Variants in MUC7 observed in about 807,000 individuals in gnomAD.
MUC7 encodes the protein mucin 7, secreted.
A neutral mutation model predicts 2.5 loss-of-function variants in MUC7; 2 were observed. The ratio of observed to expected loss-of-function variants is 0.81; its 90% CI spans 0.33 to 2.55. The LOEUF is 2.55. MUC7 is among the 30% of genes most tolerant of loss of function. MUC7 has a pLI of 0.11. For missense variants in MUC7, 408 were observed against 455.6 expected (o/e 0.90, Z 0.95); for synonymous variants, 133 against 173.4 (o/e 0.77, Z 1.83).
chr4:70,463,657 A>G (rs984117485), intron 1 of MUC7, among the ~76,000 whole-genome samples: 6 of 152,202 alleles, frequency 3.9e-5, no homozygotes, highest in Non-Finnish European at 8.8e-5. Flanking sequence ...TGTAGTCCAC[A>G]TGTCAGTCAT....
intron 1 of MUC7, among the ~76,000 whole-genome samples, chr4:70,444,479 T>A (rs1362660248): frequency 6.6e-6 from 1 of 152,154 alleles, no homozygotes; most frequent in Non-Finnish European, 1.5e-5. Context: ...TACCCAGTCC[T>A]CTACTTCAGC....
intron 1 of MUC7, among the ~76,000 whole-genome samples, chr4:70,445,964 TAGAC>T (rs1577901329): frequency 6.6e-6 from 1 of 152,150 alleles, no homozygotes; most frequent in African/African-American, 2.4e-5. Context: ...ATGAATCAAT[TAGAC>T]AGGCATCATC....
At chr4:70,464,509 C>T (rs1038190618) in intron 1 of MUC7, among the ~76,000 whole-genome samples, 3 of 152,120 alleles carry the variant, frequency 2.0e-5, no homozygotes, top group African/African-American at 7.2e-5. Context: ...TTGAAATTCT[C>T]GCTGCGAGCA....
intron 1 of MUC7, among the ~76,000 whole-genome samples, chr4:70,431,465 T>C (rs1470915878): frequency 6.6e-6 from 1 of 152,092 alleles, no homozygotes; most frequent in Admixed American, 6.6e-5. Context: ...CATATGATTT[T>C]CATTCCTACT....
chr4:70,439,750 T>G (rs983317481), intron 1 of MUC7, among the ~76,000 whole-genome samples: 4 of 152,098 alleles, frequency 2.6e-5, no homozygotes, highest in Admixed American at 6.6e-5. Context: ...AAGTGAAAAT[T>G]TAAAAGCACT....
chr4:70,473,922 C>T, intron 1 of MUC7, 85 bp from the exon 2 acceptor site: 3 of 993,806 alleles, frequency 3.0e-6, no homozygotes, highest in Non-Finnish European at 4.6e-6. Context: ...CCTGTACTTT[C>T]TAATAAAAAT....
chr4:70,474,318 T>G (rs1040359212), intron 2 of MUC7, among the ~76,000 whole-genome samples: 1 of 152,022 alleles, frequency 6.6e-6, no homozygotes, highest in Non-Finnish European at 1.5e-5. Context: ...AAGACTAGCC[T>G]GAGTAACATA....
Position 70,482,162 on chromosome 4 carries a change from A to G in MUC7, c.*284A>G. ...AAGAAAGTCCTTAGATAAAGAGAGA[A>G]TATTGTATGGGCCATCAACCATTTA... On this transcript the variant is annotated 3_prime_UTR_variant, in exon 3 of 3. Coordinates refer to ENST00000304887, the MANE Select transcript of MUC7 (RefSeq NM_152291.3). 2 of 371,902 alleles carry G rather than the reference A, an allele frequency of 5.4e-6. No individual in the cohort carries two copies. Among genetic ancestry groups the G allele is most frequent in the Non-Finnish European group, 9.7e-6 (2 of 206,134 alleles). The allele number at this position is 371,902 out of a possible 1,614,324, so 23.0% of individuals were successfully genotyped here. A position where few individuals can be genotyped will look rare whatever the true frequency, so the allele number is the denominator to read the frequency against.
intron 1 of MUC7, among the ~76,000 whole-genome samples, chr4:70,433,907 C>G (rs1325367648): frequency 6.6e-6 from 1 of 152,138 alleles, no homozygotes; most frequent in Non-Finnish European, 1.5e-5. Flanking sequence ...CCATCAATAC[C>G]TAGTTTACTG....
In MUC7 at chr4:70,481,986, G is replaced by T; in HGVS notation, c.*108G>T. On this transcript the variant is annotated 3_prime_UTR_variant, in exon 3 of 3. Coordinates refer to ENST00000304887, the MANE Select transcript of MUC7 (RefSeq NM_152291.3). ...TCCCAACATGAAATTATATTACTCA[G>T]ATTTAAAGCACTATCATTAATCTTT... 7.8e-7 allele frequency: 1 copy of T among 1,280,428 alleles called. No individual in the cohort carries two copies. The highest frequency in any genetic ancestry group is 1.1e-6 in the Non-Finnish European group (1 of 935,962). The allele number at this position is 1,280,428 out of a possible 1,614,324, so 79.3% of individuals were successfully genotyped here.
At chr4:70,451,863 G>A (rs1299635780) in intron 1 of MUC7, among the ~76,000 whole-genome samples, 12 of 152,196 alleles carry the variant, frequency 7.9e-5, no homozygotes, top group South Asian at 2.1e-4. Flanking sequence ...ATGAGGTACC[G>A]AAATCTCCAG....
intron 2 of MUC7, among the ~76,000 whole-genome samples, chr4:70,479,421 C>A (rs1735104490): frequency 6.6e-6 from 1 of 152,162 alleles, no homozygotes; most frequent in Admixed American, 6.5e-5. Flanking sequence ...GTTGTCACTT[C>A]ATCTGCACTA....
chr4:70,433,138 T>C (rs1733725843), intron 1 of MUC7, among the ~76,000 whole-genome samples: 1 of 152,236 alleles, frequency 6.6e-6, no homozygotes, highest in Non-Finnish European at 1.5e-5. Flanking sequence ...TGTAGCCTTG[T>C]AGTAAAGTTT....
chr4:70,473,867 A>G (rs1349996880), intron 1 of MUC7, 140 bp from the exon 2 acceptor site: 2 of 590,560 alleles, frequency 3.4e-6, no homozygotes, highest in African/African-American at 3.7e-5. Flanking sequence ...CCCCTATGGA[A>G]TGAAAATGTA....
intron 1 of MUC7, among the ~76,000 whole-genome samples, chr4:70,465,686 C>T (rs1334848392): frequency 6.6e-6 from 1 of 151,820 alleles, no homozygotes; most frequent in African/African-American, 2.4e-5. Flanking sequence ...AGCATGAAGA[C>T]AAGATTAGAG....
chr4:70,434,825 C>T (rs1024993490), intron 1 of MUC7, among the ~76,000 whole-genome samples: 1 of 152,118 alleles, frequency 6.6e-6, no homozygotes, highest in Non-Finnish European at 1.5e-5. Flanking sequence ...ATCTTTCCTG[C>T]TTTCTCTTGT....
At position 70,481,600 on chromosome 4, in the gene MUC7, A is replaced by C; in HGVS notation, c.856A>C (p.Thr286Pro). 1.2e-6 allele frequency: 2 copies of C among 1,611,756 alleles called. No individual in the cohort carries two copies. The highest frequency in any genetic ancestry group is 2.2e-5 in the South Asian group (2 of 90,994). Residue 286 changes from threonine (T) to proline (P), a missense_variant, in exon 3 of 3, where the codon ACA (threonine) becomes CCA (proline). Coordinates refer to ENST00000304887, the MANE Select transcript of MUC7 (RefSeq NM_152291.3). ...APPETTAAPP[T>P]PSATTPAPPS... is the part of the protein sequence containing the mutation. ...ACCAGAGACCACAGCTGCCCCACCC[A>C]CACCTTCTGCAACTACACCAGCTCC...
intron 1 of MUC7, among the ~76,000 whole-genome samples, chr4:70,453,560 G>C (rs192527835): frequency 6.6e-6 from 1 of 152,066 alleles, no homozygotes; most frequent in Admixed American, 6.5e-5. Context: ...TAGAAATACT[G>C]TCCAAAATGT....
At chr4:70,464,934 C>A (rs1734644467) in intron 1 of MUC7, among the ~76,000 whole-genome samples, 1 of 152,192 alleles carries the variant, frequency 6.6e-6, no homozygotes, top group Non-Finnish European at 1.5e-5. Flanking sequence ...GGGTCCCTGA[C>A]CCCTGTGCCT....
Sources: allele counts gnomAD v4.1 joint callset (sites outside exome capture counted in the v4.1 genomes callset), GRCh38; gene constraint gnomAD v4.1.1; transcripts MANE v1.5; gene names NCBI Gene and HGNC (gene_info 2026-07-23, HGNC 2026-07-21).